The following GPNMB variants were observed in gnomAD, a reference collection of about 807,000 sequenced individuals.
GPNMB encodes transmembrane glycoprotein NMB.
Under a neutral mutation model 57.3 loss-of-function variants are expected in GPNMB, and 71 were observed. The observed-to-expected ratio is 1.24, with a 90% CI of 1.02 to 1.51. The LOEUF is 1.51. Among genes scored for constraint, GPNMB ranks in the 40% most tolerant of loss-of-function variants. The pLI, the probability that GPNMB is intolerant of heterozygous loss-of-function variation, is 0.00. For synonymous variants in GPNMB, 253 were observed against 263.2 expected (o/e 0.96, Z 0.38); for missense variants, 677 against 691.9 (o/e 0.98, Z 0.24).
At chr7:23,248,231 G>C (rs1381873520) in intron 1 of GPNMB, among the ~76,000 whole-genome samples, 4 of 152,152 alleles carry the variant, frequency 2.6e-5, no homozygotes, top group Non-Finnish European at 5.9e-5. Flanking sequence ...TTGTTCCTAC[G>C]GAGGCAGACC....
intron 6 of GPNMB, among the ~76,000 whole-genome samples, chr7:23,262,608 CTTTTTTTTTTTTTTTTT>C (rs58011121): frequency 1.6e-5 from 1 of 62,850 alleles, no homozygotes; most frequent in African/African-American, 6.1e-5. Flanking sequence ...TCACCATTCT[CTTTTTTTTTTTTTTTTT>C]TTTTTTTTTT....
intron 5 of GPNMB, 89 bp downstream of exon 5, chr7:23,260,227 G>T: frequency 7.1e-7 from 1 of 1,409,598 alleles, no homozygotes; most frequent in East Asian, 2.3e-5. Flanking sequence ...AGTGTTCGGG[G>T]TTAGGTTACA....
chr7:23,270,320 G>T, intron 9 of GPNMB, 145 bp downstream of exon 9: 1 of 611,560 alleles, frequency 1.6e-6, no homozygotes, highest in Non-Finnish European at 2.9e-6. Context: ...AAGGATCTGA[G>T]GACTGGCATT....
chr7:23,273,994 A>G lies in GPNMB; in HGVS notation c.1524-71A>G, dbSNP rs1041680261. 1.7e-5 allele frequency: 21 copies of G among 1,228,254 alleles called. No individual in the cohort carries two copies. In the African/African-American group the frequency reaches 2.9e-4, roughly 17 times the overall value. The allele number at this position is 1,228,254 out of a possible 1,614,324, so 76.1% of individuals were successfully genotyped here. A position where few individuals can be genotyped will look rare whatever the true frequency, so the allele number is the denominator to read the frequency against. Reference sequence around the variant, plus strand: ...TGAATCCTTTTATACCTGGCATGAAAAAGATTGTAGAAAGTTGTATATTTC... The same window carrying G: ...TGAATCCTTTTATACCTGGCATGAAGAAGATTGTAGAAAGTTGTATATTTC... On this transcript the variant is annotated intron_variant, in intron 10 of 10. Transcript: ENST00000258733.
chr7:23,273,503 T>C lies in GPNMB; in HGVS notation c.1430-18T>C, dbSNP rs757426958. Reference sequence around the variant, plus strand: ...TAGGTGGAAGACATAACTAACATGCTCTTGCTTCTGTTTTAAGACCCAGCC... The same window carrying C: ...TAGGTGGAAGACATAACTAACATGCCCTTGCTTCTGTTTTAAGACCCAGCC... On this transcript the variant is annotated intron_variant, in intron 9 of 10. Transcript: ENST00000258733. The C allele has an allele frequency of 3.9e-6, 6 of 1,550,544 alleles. No homozygotes were observed. Among genetic ancestry groups the C allele is most frequent in the Non-Finnish European group, 4.5e-6 (5 of 1,122,414 alleles).
At position 23,257,035 on chromosome 7, in the gene GPNMB, T is replaced by C. The variant is rs372073674; in HGVS notation, c.511T>C (p.Trp171Arg). The change falls in exon 4 of 11, where the codon TGG becomes CGG. Residue 171 changes from tryptophan (W) to arginine (R), a missense_variant. By Grantham distance (101) the Trp-to-Arg change is moderately radical (BLOSUM62 -3). Coordinates refer to ENST00000258733, the MANE Select transcript of GPNMB (RefSeq NM_002510.3). ...PFPHHPGWRR[W>R]NFIYVFHTLG... ...TCCTCACCACCCCGGATGGAGAAGA[T>C]GGAATTTCATCTACGTCTTCCACAC... 10 of 1,614,040 alleles carry C rather than the reference T, an allele frequency of 6.2e-6. No individual in the cohort carries two copies. Among genetic ancestry groups the C allele is most frequent in the African/African-American group, 5.3e-5 (4 of 74,946 alleles).
chr7:23,266,667 G>C, intron 7 of GPNMB, 52 bp downstream of exon 7: 6 of 1,557,442 alleles, frequency 3.9e-6, no homozygotes, highest in Non-Finnish European at 5.3e-6. Context: ...TCCACCTAGG[G>C]TCACCCACTC....
intron 2 of GPNMB, 97 bp downstream of exon 2, chr7:23,253,556 C>T: frequency 2.9e-6 from 3 of 1,018,644 alleles, no homozygotes; most frequent in Non-Finnish European, 4.3e-6. Context: ...CACGTCATTT[C>T]CACGAATGAC....
At chr7:23,272,369 C>G (rs2128485798) in intron 9 of GPNMB, among the ~76,000 whole-genome samples, 1 of 152,224 alleles carries the variant, frequency 6.6e-6, no homozygotes, top group Non-Finnish European at 1.5e-5. Context: ...GTGGAACATA[C>G]CTGTAGTCCC....
At position 23,254,187 on chromosome 7, in the gene GPNMB, T is replaced by C; in HGVS notation, c.242T>C (p.Val81Ala). ...NSWKGGRVQA[V>A]LTSDSPALVG... ...ACCCTAGGAGGCCGTGTGCAGGCGG[T>C]CCTGACCAGTGACTCACCAGCCCTC... Residue 81 changes from valine (V) to alanine (A), a missense_variant, in exon 3 of 11, where the codon GTC becomes GCC. By Grantham distance (64) the Val-to-Ala change is moderately conservative. Transcript: ENST00000258733. The C allele has an allele frequency of 6.2e-7, 1 of 1,614,056 alleles. No individual in the cohort carries two copies. Among genetic ancestry groups the C allele is most frequent in the East Asian group, 2.2e-5 (1 of 44,884 alleles).
chr7:23,270,687 G>C (rs1783182989), intron 9 of GPNMB, among the ~76,000 whole-genome samples: 1 of 152,156 alleles, frequency 6.6e-6, no homozygotes, highest in African/African-American at 2.4e-5. Context: ...ACTCTACCGA[G>C]CATTACAGAA....
intron 4 of GPNMB, chr7:23,257,602 G>A (rs1782812541): frequency 6.3e-6 from 1 of 157,754 alleles, no homozygotes; most frequent in Non-Finnish European, 1.4e-5. Context: ...AATCCGGGAG[G>A]TGGAGGTTGC....
chr7:23,271,981 C>G (rs563208913), intron 9 of GPNMB, among the ~76,000 whole-genome samples: 4 of 152,230 alleles, frequency 2.6e-5, no homozygotes, highest in African/African-American at 9.6e-5. Flanking sequence ...GCAAAACCAA[C>G]GATGCAAGGG....
At chr7:23,257,209 TGA>T in intron 4 of GPNMB, 144 bp downstream of exon 4, 1 of 744,988 alleles carries the variant, frequency 1.3e-6, no homozygotes, top group Middle Eastern at 2.5e-4. Flanking sequence ...GAGTGAACAG[TGA>T]GAGATAAAAA....
chr7:23,254,034 T>C, intron 2 of GPNMB, 135 bp from the exon 3 acceptor site: 1 of 586,300 alleles, frequency 1.7e-6, no homozygotes, highest in South Asian at 5.3e-5. Flanking sequence ...AAGTGAGGAA[T>C]ACAAAATATA....
chr7:23,255,714 G>A (rs760623888), intron 3 of GPNMB, among the ~76,000 whole-genome samples: 19 of 151,978 alleles, frequency 1.3e-4, no homozygotes, highest in Non-Finnish European at 2.5e-4. Context: ...TTGAGAAATT[G>A]TCTATTCAGA....
At position 23,253,360 on chromosome 7, in the gene GPNMB, A is replaced by G. The variant is rs540911280; in HGVS notation, c.124A>G (p.Asn42Asp). Residue 42 changes from asparagine to aspartate, a missense_variant, in exon 2 of 11, where the codon AAT becomes GAT. Transcript: ENST00000258733. ...ACCTTCTGCTTACATGAGGGAGCAC[A>G]ATCAATTAAATGGCTGGTCTTCTGA... ...ERPSAYMREHNQLNGWSSDEN... is the reference protein window; with the variant it reads ...ERPSAYMREHDQLNGWSSDEN... 4.3e-6 allele frequency: 7 copies of G among 1,613,692 alleles called. No homozygotes were observed. The Admixed American group carries it at 8.3e-5, about 19-fold the overall frequency.
intron 9 of GPNMB, among the ~76,000 whole-genome samples, chr7:23,271,954 A>G (rs965069585): frequency 1.3e-5 from 2 of 152,206 alleles, no homozygotes; most frequent in African/African-American, 4.8e-5. Context: ...GGTGATATCC[A>G]AGGTGCAGAT....
intron 9 of GPNMB, among the ~76,000 whole-genome samples, chr7:23,271,131 G>A (rs1783193496): frequency 6.6e-6 from 1 of 152,196 alleles, no homozygotes; most frequent in African/African-American, 2.4e-5. Context: ...GTCTCATAAG[G>A]AGCATGCAAC....
Sources: gnomAD v4.1 joint callset for allele counts (sites outside exome capture counted in the v4.1 genomes callset) on GRCh38, gnomAD v4.1.1 for gene constraint, MANE v1.5 for transcripts, NCBI Gene and HGNC (gene_info 2026-07-23, HGNC 2026-07-21) for gene names.